VWA5B1: variants seen among roughly 807,000 people sequenced by gnomAD.
The protein encoded by VWA5B1 is von Willebrand factor A domain containing 5B1.
In VWA5B1, 115 loss-of-function variants were observed where a neutral mutation model predicts 118.2. That is an observed-to-expected ratio of 0.97 (90% CI 0.84 to 1.14). The LOEUF (loss-of-function observed/expected upper bound fraction) is 1.14, where lower values mean the gene tolerates loss of function less well. Ranked by LOEUF, VWA5B1 falls within the 50% of genes most tolerant of loss-of-function variation. The pLI is 0.00. For synonymous variants in VWA5B1, 682 were observed against 658.4 expected, an observed-to-expected ratio of 1.04 and a Z score of -0.55; for missense variants, 1,596 against 1,603.8, an observed-to-expected ratio of 1.00 and a Z score of 0.08.
chr1:20,326,526 C>T (rs557087945), intron 8 of VWA5B1, among the ~76,000 whole-genome samples: 1 of 152,156 alleles, frequency 6.6e-6, no homozygotes, highest in Non-Finnish European at 1.5e-5. Context: ...AGTGCAGTGG[C>T]GTGATCTCGG....
At position 20,312,540 on chromosome 1, in the gene VWA5B1, T is replaced by C. The variant is rs1328606996; in HGVS notation, c.140-296T>C. On this transcript the variant is annotated intron_variant, in intron 2 of 21. Transcript: ENST00000289815. Reference sequence around the variant, plus strand: ...AAACTGACCACACAGATGTGCTATATGAGGCCCACACAAGTCCCATAGAAA... The same window carrying C: ...AAACTGACCACACAGATGTGCTATACGAGGCCCACACAAGTCCCATAGAAA... Among the ~76,000 whole-genome samples the C allele has an allele frequency of 2.0e-5, 3 of 152,322 alleles. No homozygotes were observed. In the East Asian group the frequency reaches 5.8e-4, roughly 30 times the overall value.
At chr1:20,351,960 C>A in intron 20 of VWA5B1, 95 bp from the exon 21 acceptor site, 1 of 863,770 alleles carries the variant, frequency 1.2e-6, no homozygotes. Context: ...TGGAGGGAGC[C>A]ATCTATTGCA....
intron 18 of VWA5B1, chr1:20,349,414 C>T (rs1407739387): frequency 7.5e-6 from 1 of 132,940 alleles, no homozygotes; most frequent in Non-Finnish European, 1.6e-5. Flanking sequence ...GATGGAGTCT[C>T]ACTCTGTCCC....
intron 3 of VWA5B1, 34 bp from the exon 4 acceptor site, chr1:20,314,288 T>C (rs1407358285): frequency 6.5e-7 from 1 of 1,546,174 alleles, no homozygotes; most frequent in South Asian, 1.2e-5. Flanking sequence ...AGAGATAATC[T>C]ATGTACAGCC....
intron 18 of VWA5B1, among the ~76,000 whole-genome samples, chr1:20,349,517 G>C (rs1013247448): frequency 1.8e-4 from 28 of 152,152 alleles, no homozygotes; most frequent in Non-Finnish European, 3.4e-4. Flanking sequence ...CCGAGTAGCT[G>C]AGACTACAGG....
chr1:20,297,433 C>T (rs1471529552), intron 1 of VWA5B1, among the ~76,000 whole-genome samples: 1 of 152,218 alleles, frequency 6.6e-6, no homozygotes, highest in African/African-American at 2.4e-5. Context: ...CGCTTCCACA[C>T]ATTTCATTGG....
chr1:20,347,516 T>C (rs1284286532), intron 17 of VWA5B1, among the ~76,000 whole-genome samples: 2 of 152,146 alleles, frequency 1.3e-5, no homozygotes, highest in Non-Finnish European at 2.9e-5. Flanking sequence ...CACAGCTCAC[T>C]GCAATCTCTA....
intron 14 of VWA5B1, among the ~76,000 whole-genome samples, chr1:20,341,075 T>C (rs1256062279): frequency 1.3e-5 from 2 of 152,244 alleles, no homozygotes; most frequent in African/African-American, 2.4e-5. Context: ...TTTACTTTTT[T>C]AAAATAAGTT....
intron 1 of VWA5B1, among the ~76,000 whole-genome samples, chr1:20,305,867 C>A (rs2088637206): frequency 1.3e-5 from 2 of 152,064 alleles, no homozygotes; most frequent in Admixed American, 1.3e-4. Context: ...GACCTCATGG[C>A]CAGAGGATAT....
At chr1:20,339,036 A>G (rs1390779687) in intron 14 of VWA5B1, 1 of 152,174 alleles carries the variant, frequency 6.6e-6, no homozygotes. Flanking sequence ...CATGGACACG[A>G]TAATTTTATA....
intron 6 of VWA5B1, among the ~76,000 whole-genome samples, 198 bp from the exon 7 acceptor site, chr1:20,319,184 C>T (rs1439313486): frequency 2.0e-5 from 3 of 152,178 alleles, no homozygotes; most frequent in Non-Finnish European, 2.9e-5. Flanking sequence ...CAGTGAGTCA[C>T]CCATGGCCAC....
Position 20,356,296 on chromosome 1 carries a change from T to A in VWA5B1, c.*2033T>A, listed in dbSNP as rs2090228128. On this transcript the variant is annotated 3_prime_UTR_variant, in exon 22 of 22. Transcript: ENST00000289815. ...TGGGCAAGTGGTTTCTCCTCCTAGG[T>A]GCCCTGGAGCTGGGGCTTTCTCCTG... 6.6e-6 allele frequency among the ~76,000 whole-genome samples: 1 copy of A among 152,198 alleles called. No individual in the cohort carries two copies. The highest frequency in any genetic ancestry group is 6.5e-5 in the Admixed American group (1 of 15,288).
rs1431603333 is a variant in VWA5B1, at chr1:20,291,170, GTGTGTGTA to G, written c.-27+90_-27+97del. 93 of 137,788 alleles carry G rather than the reference GTGTGTGTA, an allele frequency of 6.7e-4. 1 individual carries two copies. Among genetic ancestry groups the G allele is most frequent in the Middle Eastern group, 6.8e-3 (2 of 294 alleles). 8.5% of individuals were successfully genotyped at this position (137,788 alleles called of 1,614,324 possible). A position where few individuals can be genotyped will look rare whatever the true frequency, so the allele number is the denominator to read the frequency against. ...GGTGGGCAAGGGCATGCATGAGTGT[GTGTGTGTA>G]TGTGTGTGTGTGTGTGTGTGGTGAG... On this transcript the variant is annotated intron_variant, in intron 1 of 21. Transcript: ENST00000289815.
At chr1:20,318,284 C>T (rs961855010) in intron 5 of VWA5B1, 5 of 412,988 alleles carry the variant, frequency 1.2e-5, no homozygotes, top group South Asian at 2.3e-5. Flanking sequence ...TCCGACGGAG[C>T]GCTGAGAGCC....
At chr1:20,291,856 T>C (rs2088313035) in intron 1 of VWA5B1, among the ~76,000 whole-genome samples, 1 of 152,210 alleles carries the variant, frequency 6.6e-6, no homozygotes, top group Non-Finnish European at 1.5e-5. Flanking sequence ...GTGTGGCGCC[T>C]GCTAACGCAT....
At chr1:20,353,658 C>T in intron 21 of VWA5B1, 99 bp from the exon 22 acceptor site, 2 of 1,403,460 alleles carry the variant, frequency 1.4e-6, no homozygotes, top group East Asian at 2.6e-5. Context: ...CCCAGGCAGG[C>T]AGGGTGGGGT....
chr1:20,316,280 A>G (rs993525056), intron 4 of VWA5B1, among the ~76,000 whole-genome samples: 16 of 152,166 alleles, frequency 1.1e-4, no homozygotes, highest in African/African-American at 3.9e-4. Context: ...TCACAAGTCC[A>G]AAGGGAGCAC....
At position 20,312,962 on chromosome 1, in the gene VWA5B1, C is replaced by T; in HGVS notation, c.266C>T (p.Ser89Phe). 1.3e-6 allele frequency: 2 copies of T among 1,551,632 alleles called. No individual in the cohort carries two copies. Among genetic ancestry groups the T allele is most frequent in the Admixed American group, 2.0e-5 (1 of 51,006 alleles). ...CTGGAGAGCGGCCACTTCGATGCCTCCCATGTTCGATCCCCAACAGTCACA... is the reference window on the plus strand; with the variant it reads ...CTGGAGAGCGGCCACTTCGATGCCTTCCATGTTCGATCCCCAACAGTCACA... ...AKLESGHFDA[S>F]HVRSPTVTGN... The change falls in exon 3 of 22, where the codon TCC (serine) becomes TTC (phenylalanine). Residue 89 changes from serine (S) to phenylalanine (F), a missense_variant. Transcript: ENST00000289815.
At chr1:20,291,493 G>T (rs925270671) in intron 1 of VWA5B1, among the ~76,000 whole-genome samples, 1 of 150,296 alleles carries the variant, frequency 6.7e-6, no homozygotes, top group Admixed American at 6.6e-5. Flanking sequence ...GTGAGTCTGC[G>T]TCTCCTTCTC....
Sources: allele counts gnomAD v4.1 joint callset (sites outside exome capture counted in the v4.1 genomes callset), GRCh38; gene constraint gnomAD v4.1.1; transcripts MANE v1.5; gene names NCBI Gene and HGNC (gene_info 2026-07-23, HGNC 2026-07-21).